The following HS1BP3 variants were observed in gnomAD, a reference collection of about 807,000 sequenced individuals.
HS1BP3 encodes the protein HCLS1 binding protein 3, also known as HCLS1-binding protein 3.
HS1BP3 carries 32 observed loss-of-function variants against 33.5 expected under a neutral mutation model. The observed-to-expected ratio is 0.95, with a 90% confidence interval of 0.72 to 1.28. The LOEUF is 1.28. HS1BP3 is among the 50% of genes most tolerant of loss of function. The pLI, the probability that HS1BP3 is intolerant of heterozygous loss-of-function variation, is 0.00. For missense variants in HS1BP3, 486 were observed against 502.3 expected, an observed-to-expected ratio of 0.97 and a Z score of 0.31; for synonymous variants, 187 against 209.2, an observed-to-expected ratio of 0.89 and a Z score of 0.92.
In HS1BP3 at chr2:20,626,128, A is replaced by G. The variant is rs140610216; in HGVS notation, c.624-1236T>C. Reference sequence around the variant, plus strand: ...CAAAACTGCACCGAGAGGCTGGCCTACACAATGATACAGATTAACCAATGG... The same window carrying G: ...CAAAACTGCACCGAGAGGCTGGCCTGCACAATGATACAGATTAACCAATGG... On this transcript the variant is annotated intron_variant, in intron 4 of 6. Coordinates refer to ENST00000304031, the MANE Select transcript of HS1BP3 (RefSeq NM_022460.4). 7.0e-3 allele frequency among the ~76,000 whole-genome samples: 1,072 copies of G among 152,272 alleles called. 17 individuals are homozygous for G. The highest frequency in any genetic ancestry group is 0.024 in the African/African-American group (1,004 of 41,538).
intron 2 of HS1BP3, among the ~76,000 whole-genome samples, chr2:20,641,939 C>T (rs2149302342): frequency 6.6e-6 from 1 of 152,368 alleles, no homozygotes; most frequent in Non-Finnish European, 1.5e-5. Flanking sequence ...GGCTCTCAGT[C>T]TCACAGTGGT....
At chr2:20,582,637 C>T (rs536417456) in intron 5 of HS1BP3, among the ~76,000 whole-genome samples, 1 of 152,112 alleles carries the variant, frequency 6.6e-6, no homozygotes, top group Non-Finnish European at 1.5e-5. Context: ...CAGGGGACCC[C>T]ACCCACCCTC....
At chr2:20,563,938 C>A (rs879519724) in intron 5 of HS1BP3, among the ~76,000 whole-genome samples, 3 of 152,156 alleles carry the variant, frequency 2.0e-5, no homozygotes, top group Admixed American at 6.5e-5. Flanking sequence ...GGCAATGGAA[C>A]CACTTAGTGT....
chr2:20,576,681 C>A (rs927837120), intron 5 of HS1BP3, among the ~76,000 whole-genome samples: 1 of 152,210 alleles, frequency 6.6e-6, no homozygotes, highest in African/African-American at 2.4e-5. Context: ...GAGACGGAGG[C>A]CTTGAATGGT....
chr2:20,558,720 T>C (rs992620042), downstream of HS1BP3, among the ~76,000 whole-genome samples: 1 of 152,178 alleles, frequency 6.6e-6, no homozygotes, highest in Non-Finnish European at 1.5e-5. Flanking sequence ...GGGAAGCAGA[T>C]GCCCCTGCAG....
At chr2:20,638,062 AG>A (rs1695203957) in intron 4 of HS1BP3, 1 of 413,404 alleles carries the variant, frequency 2.4e-6, no homozygotes, top group Non-Finnish European at 4.3e-6. Context: ...AGAGAGCCGC[AG>A]CCACCTCTGC....
intron 4 of HS1BP3, chr2:20,635,928 C>G (rs1269011662): frequency 6.6e-6 from 1 of 152,246 alleles, no homozygotes. Flanking sequence ...CGGCTTTGTG[C>G]TGGCGACTCC....
chr2:20,650,849 T>A (rs931714395), intron 1 of HS1BP3, among the ~76,000 whole-genome samples, 183 bp downstream of exon 1: 4 of 152,170 alleles, frequency 2.6e-5, no homozygotes, highest in African/African-American at 9.7e-5. Flanking sequence ...TCCTCATCTG[T>A]AAATCGGGGT....
chr2:20,643,774 T>TA (rs1438374213), intron 2 of HS1BP3, among the ~76,000 whole-genome samples: 2 of 151,534 alleles, frequency 1.3e-5, no homozygotes, highest in South Asian at 2.1e-4. Context: ...CCAAAAAAAT[T>TA]AAAAAAGAAA....
At chr2:20,637,818 G>C (rs1440501828) in intron 4 of HS1BP3, 1 of 154,666 alleles carries the variant, frequency 6.5e-6, no homozygotes, top group Non-Finnish European at 1.4e-5. Flanking sequence ...AGCACCCCTG[G>C]CCTGGTCTGA....
chr2:20,554,860 C>A, the HS1BP3 span, among the ~76,000 whole-genome samples: 12 of 152,090 alleles, frequency 7.9e-5, no homozygotes, highest in Non-Finnish European at 1.6e-4. Context: ...AAAATATGAT[C>A]CTTGCATCCA....
intron 2 of HS1BP3, among the ~76,000 whole-genome samples, chr2:20,600,247 CT>C (rs1180682073): frequency 6.6e-6 from 1 of 152,174 alleles, no homozygotes; most frequent in African/African-American, 2.4e-5. Context: ...GACCCTGCCC[CT>C]GGCACCAATC....
At chr2:20,606,559 C>CT (rs1046996040) in intron 2 of HS1BP3, 22 of 487,722 alleles carry the variant, frequency 4.5e-5, no homozygotes, top group African/African-American at 4.3e-4. Flanking sequence ...AGCACTTCTT[C>CT]TTTTTGGCCT....
intron 4 of HS1BP3, among the ~76,000 whole-genome samples, chr2:20,630,933 G>A (rs1694948231): frequency 6.6e-6 from 1 of 152,210 alleles, no homozygotes; most frequent in African/African-American, 2.4e-5. Context: ...AGTGGGGCCT[G>A]GGGAGATTCT....
chr2:20,568,495 T>G (rs547419594), intron 5 of HS1BP3, among the ~76,000 whole-genome samples: 27 of 152,246 alleles, frequency 1.8e-4, no homozygotes, highest in Non-Finnish European at 4.4e-5. Flanking sequence ...TGTCAGGTTT[T>G]AAGCAGAGCA....
At chr2:20,641,567 C>T (rs948605830) in intron 2 of HS1BP3, among the ~76,000 whole-genome samples, 4 of 152,190 alleles carry the variant, frequency 2.6e-5, no homozygotes, top group African/African-American at 4.8e-5. Flanking sequence ...CCTGCAACAC[C>T]GTGAATCATC....
At chr2:20,631,495 TAA>T (rs929881785) in intron 4 of HS1BP3, among the ~76,000 whole-genome samples, 7 of 105,116 alleles carry the variant, frequency 6.7e-5, no homozygotes, top group Non-Finnish European at 1.1e-4. Context: ...CCAGCCTAGG[TAA>T]AAGAGTAAGA....
At chr2:20,640,558 G>C in intron 3 of HS1BP3, 1 of 441,278 alleles carries the variant, frequency 2.3e-6, no homozygotes, top group Non-Finnish European at 4.0e-6. Flanking sequence ...TCACCAGCCA[G>C]GCTGTGAGAA....
intron 2 of HS1BP3, among the ~76,000 whole-genome samples, chr2:20,600,044 C>T (rs886993005): frequency 3.9e-5 from 6 of 152,172 alleles, no homozygotes; most frequent in African/African-American, 1.4e-4. Flanking sequence ...TTGGCCAAAT[C>T]AGTTAAGCTT....
Sources: gnomAD v4.1 joint callset for allele counts (sites outside exome capture counted in the v4.1 genomes callset) on GRCh38, gnomAD v4.1.1 for gene constraint, MANE v1.5 for transcripts, NCBI Gene and HGNC (gene_info 2026-07-23, HGNC 2026-07-21) for gene names.